DLG2: variants seen among roughly 807,000 people sequenced by gnomAD.
DLG2 encodes disks large homolog 2.
A neutral mutation model predicts 132.5 loss-of-function variants in DLG2; 45 were observed. That is an observed-to-expected ratio of 0.34 (90% CI 0.27 to 0.44). The LOEUF (loss-of-function observed/expected upper bound fraction) is 0.44, where lower values mean the gene tolerates loss of function less well. DLG2 is among the 20% of genes least tolerant of loss of function. The pLI, the probability that DLG2 is intolerant of heterozygous loss-of-function variation, is 1.00. For missense variants in DLG2, 1,045 were observed against 1,196.9 expected (o/e 0.87, Z 1.87); for synonymous variants, 424 against 419.6 (o/e 1.01, Z -0.13).
intron 6 of DLG2, among the ~76,000 whole-genome samples, chr11:84,714,183 A>G (rs1272010509): frequency 1.5e-5 from 2 of 129,650 alleles, no homozygotes; most frequent in African/African-American, 7.6e-5. Flanking sequence ...TAAAATAAAA[A>G]AAAAACATAT....
intron 7 of DLG2, among the ~76,000 whole-genome samples, chr11:84,267,224 C>T (rs1363190904): frequency 9.8e-6 from 1 of 101,872 alleles, no homozygotes; most frequent in South Asian, 3.4e-4. Flanking sequence ...TGATTGCGTA[C>T]AAAAGTATAG....
intron 4 of DLG2, among the ~76,000 whole-genome samples, chr11:85,234,155 T>C (rs1338718571): frequency 1.3e-5 from 2 of 151,862 alleles, no homozygotes; most frequent in Admixed American, 6.6e-5. Context: ...GATTATAATA[T>C]AGTAAAATAT....
At chr11:83,997,243 T>C (rs1466815819) in intron 11 of DLG2, among the ~76,000 whole-genome samples, 2 of 152,218 alleles carry the variant, frequency 1.3e-5, no homozygotes, top group Non-Finnish European at 2.9e-5. Flanking sequence ...ATTCTATTAC[T>C]ACACATTTCA....
chr11:85,216,481 A>G (rs556181917), intron 4 of DLG2, among the ~76,000 whole-genome samples: 1 of 152,284 alleles, frequency 6.6e-6, no homozygotes, highest in East Asian at 1.9e-4. Flanking sequence ...GCATTTTTGC[A>G]CCAGGTTTGT....
chr11:85,269,813 T>G (rs2077416541), intron 4 of DLG2, among the ~76,000 whole-genome samples: 1 of 152,232 alleles, frequency 6.6e-6, no homozygotes, highest in South Asian at 2.1e-4. Flanking sequence ...TTGAAAAGTA[T>G]GTTTCACTTA....
intron 18 of DLG2, among the ~76,000 whole-genome samples, chr11:83,690,775 C>G (rs2080852900): frequency 6.6e-6 from 1 of 151,960 alleles, no homozygotes; most frequent in Non-Finnish European, 1.5e-5. Context: ...ATGTTTTTCA[C>G]ATTTTCAGTT....
intron 3 of DLG2, among the ~76,000 whole-genome samples, chr11:85,436,591 T>C (rs1179731964): frequency 6.6e-6 from 1 of 151,864 alleles, no homozygotes; most frequent in Non-Finnish European, 1.5e-5. Flanking sequence ...GAAATGCAAA[T>C]CCAAACCACA....
At chr11:84,137,286 C>A (rs2154230106) in intron 9 of DLG2, among the ~76,000 whole-genome samples, 1 of 152,226 alleles carries the variant, frequency 6.6e-6, no homozygotes, top group East Asian at 1.9e-4. Context: ...GTTATTTAAT[C>A]TCCTTTTCTG....
chr11:85,152,006 G>A (rs1028940822), intron 5 of DLG2, among the ~76,000 whole-genome samples: 6 of 152,072 alleles, frequency 3.9e-5, no homozygotes, highest in African/African-American at 1.4e-4. Flanking sequence ...CAGCTGAGTG[G>A]CATTCAGAAA....
chr11:84,759,823 A>G (rs890772179), intron 6 of DLG2, among the ~76,000 whole-genome samples: 1 of 152,112 alleles, frequency 6.6e-6, no homozygotes, highest in African/African-American at 2.4e-5. Context: ...AAAGACAATA[A>G]TTATCCCTTG....
At chr11:85,580,465 A>G (rs1012053018) in intron 3 of DLG2, among the ~76,000 whole-genome samples, 35 of 152,226 alleles carry the variant, frequency 2.3e-4, no homozygotes, top group African/African-American at 8.4e-4. Context: ...AGGTAAAGGG[A>G]GATGATAGAT....
At chr11:83,469,657 A>G (rs2091745743) in intron 24 of DLG2, among the ~76,000 whole-genome samples, 2 of 152,166 alleles carry the variant, frequency 1.3e-5, no homozygotes, top group African/African-American at 4.8e-5. Flanking sequence ...CCACCTCTCT[A>G]CCTAGAGGCC....
At chr11:85,300,480 TAGAA>T (rs1277673086) in intron 3 of DLG2, among the ~76,000 whole-genome samples, 1 of 151,726 alleles carries the variant, frequency 6.6e-6, no homozygotes, top group African/African-American at 2.4e-5. Context: ...GGAGTAAAAT[TAGAA>T]AGAAGCAGGA....
Position 84,191,172 on chromosome 11 carries a change from G to A in DLG2, c.574-27661C>T, listed in dbSNP as rs1352717492. Among the ~76,000 whole-genome samples the A allele has an allele frequency of 2.0e-5, 3 of 152,068 alleles. No homozygotes were observed. In the East Asian group the frequency reaches 5.8e-4, roughly 29 times the overall value. ...GTCAGATTTTTTTATGTGGATTTCAGTTTCTCAATTTCTATATTCAGGTAA... is the reference window on the plus strand; with the variant it reads ...GTCAGATTTTTTTATGTGGATTTCAATTTCTCAATTTCTATATTCAGGTAA... On this transcript the variant is annotated intron_variant, in intron 8 of 27. Coordinates refer to ENST00000376104, the MANE Select transcript of DLG2 (RefSeq NM_001142699.3).
At chr11:83,801,351 C>T (rs2044322565) in intron 17 of DLG2, among the ~76,000 whole-genome samples, 1 of 152,170 alleles carries the variant, frequency 6.6e-6, no homozygotes. Context: ...TGATCTCAAA[C>T]TCTGTATCAG....
At chr11:84,873,568 A>G (rs953060207) in intron 6 of DLG2, among the ~76,000 whole-genome samples, 1 of 152,258 alleles carries the variant, frequency 6.6e-6, no homozygotes, top group Non-Finnish European at 1.5e-5. Context: ...TAAGCATGGA[A>G]AGCCATACAA....
intron 11 of DLG2, among the ~76,000 whole-genome samples, chr11:84,021,353 G>GA (rs3040383): frequency 0.025 from 3,705 of 147,964 alleles, 146 homozygotes; most frequent in African/African-American, 0.085. Flanking sequence ...AGCTGAGAAA[G>GA]AAAAAAAAAA....
At chr11:84,190,410 C>T (rs996844437) in intron 8 of DLG2, among the ~76,000 whole-genome samples, 1 of 152,120 alleles carries the variant, frequency 6.6e-6, no homozygotes, top group African/African-American at 2.4e-5. Flanking sequence ...GGATTTGGAA[C>T]CAGAAAGCAA....
intron 19 of DLG2, among the ~76,000 whole-genome samples, chr11:83,592,617 G>A (rs2097207204): frequency 1.3e-5 from 2 of 151,580 alleles, no homozygotes; most frequent in East Asian, 1.9e-4. Flanking sequence ...CAAAAGCAAT[G>A]GCAACAAAAG....
Sources: allele counts gnomAD v4.1 joint callset (sites outside exome capture counted in the v4.1 genomes callset), GRCh38; gene constraint gnomAD v4.1.1; transcripts MANE v1.5; gene names NCBI Gene and HGNC (gene_info 2026-07-23, HGNC 2026-07-21).